SH3YL1: variants seen among roughly 807,000 people sequenced by gnomAD.
SH3YL1 encodes the protein SH3 domain-containing YSC84-like protein 1.
Under a neutral mutation model 45.8 loss-of-function variants are expected in SH3YL1, and 41 were observed. The ratio of observed to expected loss-of-function variants is 0.89; its 90% CI spans 0.70 to 1.16. The LOEUF (loss-of-function observed/expected upper bound fraction) is 1.16. SH3YL1 is among the 50% of genes most tolerant of loss of function. The pLI is 0.00. For synonymous variants in SH3YL1, 152 were observed against 151.4 expected, an observed-to-expected ratio of 1.00 and a Z score of -0.03; for missense variants, 389 against 409.6, an observed-to-expected ratio of 0.95 and a Z score of 0.43.
chr2:220,656 G>A (rs896328746), intron 9 of SH3YL1, among the ~76,000 whole-genome samples: 7 of 152,200 alleles, frequency 4.6e-5, no homozygotes, highest in African/African-American at 1.4e-4. Flanking sequence ...CGCTCACGCC[G>A]TGCTTCCCTG....
intron 4 of SH3YL1, among the ~76,000 whole-genome samples, chr2:246,670 C>G (rs954566807): frequency 6.6e-6 from 1 of 152,038 alleles, no homozygotes; most frequent in Non-Finnish European, 1.5e-5. Flanking sequence ...AATGCACTTT[C>G]CACCAGAGGG....
intron 7 of SH3YL1, chr2:230,487 T>C (rs909210946): frequency 1.8e-5 from 3 of 168,900 alleles, no homozygotes; most frequent in Non-Finnish European, 3.9e-5. Flanking sequence ...AGGCCTGACA[T>C]ACAAAGGCGT....
rs373205095 is a variant in SH3YL1 at position 233,213 on chromosome 2, C to A, written c.421G>T (p.Val141Leu). Residue 141 changes from valine (V) to leucine (L), a missense_variant, in exon 6 of 10, where the codon GTG becomes TTG. Physicochemically the swap from Val to Leu is conservative, Grantham distance 32. Transcript: ENST00000356150. ...ACGGCAGCGGAGCTTCTCAGGGCCA[C>A]GTTTCCTTCCAAGTTCCTGCAAAGC... ...GPLGRNLEGN[V>L]ALRSSAAVFT... 18 of 1,573,680 alleles carry A rather than the reference C, an allele frequency of 1.1e-5. No homozygotes were observed. The African/African-American group carries it at 2.0e-4, about 18-fold the overall frequency.
In SH3YL1 at chr2:233,189, C is replaced by G; in HGVS notation, c.445G>C (p.Val149Leu). 6.3e-7 allele frequency: 1 copy of G among 1,593,348 alleles called. No individual in the cohort carries two copies. The highest frequency in any genetic ancestry group is 8.6e-7 in the Non-Finnish European group (1 of 1,168,080). Residue 149 changes from valine (V) to leucine (L), a missense_variant, in exon 6 of 10, where the codon GTC becomes CTC. By Grantham distance (32) the Val-to-Leu change is conservative (BLOSUM62 1). Coordinates refer to ENST00000356150, the MANE Select transcript of SH3YL1 (RefSeq NM_015677.4). ...GNVALRSSAAVFTYCKSRGLF... is the reference protein window; with the variant it reads ...GNVALRSSAALFTYCKSRGLF... ...CCCCTTGACTTGCAGTACGTGAAGA[C>G]GGCAGCGGAGCTTCTCAGGGCCACG...
At chr2:231,257 C>G in intron 6 of SH3YL1, 66 bp from the exon 7 acceptor site, 1 of 1,200,500 alleles carries the variant, frequency 8.3e-7, no homozygotes, top group African/African-American at 1.5e-5. Flanking sequence ...TTAAACATAG[C>G]ATGTGCGCAC....
upstream of SH3YL1, chr2:264,173 G>A (rs1669738064): frequency 2.5e-6 from 2 of 790,176 alleles, no homozygotes; most frequent in Non-Finnish European, 3.6e-6. Flanking sequence ...CCGCGCTCAG[G>A]CCTTCGCCCT....
intron 4 of SH3YL1, chr2:243,590 C>A (rs369459239): frequency 6.6e-7 from 1 of 1,519,272 alleles, no homozygotes; most frequent in Non-Finnish European, 8.8e-7. Context: ...GACCTCGAGT[C>A]GGTAACCTGA....
intron 4 of SH3YL1, among the ~76,000 whole-genome samples, chr2:239,336 C>T (rs1331681682): frequency 6.6e-6 from 1 of 152,198 alleles, no homozygotes; most frequent in African/African-American, 2.4e-5. Context: ...GAAGGTGGTA[C>T]TCCAATCCCT....
intron 9 of SH3YL1, among the ~76,000 whole-genome samples, chr2:220,692 G>A (rs1667532620): frequency 1.3e-5 from 2 of 152,174 alleles, no homozygotes; most frequent in Non-Finnish European, 2.9e-5. Context: ...GCAAGCTAAT[G>A]CTAAAGAAAA....
Position 249,826 on chromosome 2 carries a change from G to C in SH3YL1, c.131C>G (p.Ala44Gly). The C allele has an allele frequency of 6.4e-7, 1 of 1,551,980 alleles. No homozygotes were observed. The highest frequency in any genetic ancestry group is 1.2e-5 in the South Asian group (1 of 84,060). The part of the protein sequence containing the change: ...KIIPAHVIAK[A>G]KGLAILSVIK... ...CACAGACAGAATTGCAAGGCCTTTA[G>C]CCTTCGCAATTACGTGAGCTGTTAA... is the stretch of plus-strand genomic sequence containing the variant. Residue 44 changes from alanine to glycine, a missense_variant, in exon 3 of 10, where the codon GCT becomes GGT. Coordinates refer to ENST00000356150, the MANE Select transcript of SH3YL1 (RefSeq NM_015677.4).
intron 4 of SH3YL1, among the ~76,000 whole-genome samples, chr2:245,676 C>T (rs928384492): frequency 6.6e-6 from 1 of 152,032 alleles, no homozygotes; most frequent in Admixed American, 6.6e-5. Flanking sequence ...TACAGCTCAC[C>T]ACTGTCTCGT....
At chr2:264,513 C>T, upstream of SH3YL1, 1 of 176,996 alleles carries the variant, frequency 5.6e-6, no homozygotes, top group Non-Finnish European at 1.2e-5. Context: ...CCCTCTCCTG[C>T]GGCCCCGTCC....
At chr2:262,653 A>G in intron 1 of SH3YL1, 1 of 1,304,310 alleles carries the variant, frequency 7.7e-7, no homozygotes, top group Non-Finnish European at 1.0e-6. Context: ...TGGCGTGCAC[A>G]GGGACTTGTG....
rs1558236873 is a variant in SH3YL1, at chr2:231,140, CG to C, written c.584del (p.Pro195ArgfsTer61). On this transcript the variant is annotated frameshift_variant, in exon 7 of 10. Transcript: ENST00000356150. LOFTEE classifies it high-confidence loss of function. ...RAYDILFGDT[P>X]RPAQAEDLYE... ...AAAGATCTTCGGCTTGAGCAGGCCGCGGTGTATCTCCAAATAAAATGTCATA... is the reference window on the plus strand; with the variant it reads ...AAAGATCTTCGGCTTGAGCAGGCCGCGTGTATCTCCAAATAAAATGTCATA... The C allele has an allele frequency of 6.2e-7, 1 of 1,613,798 alleles. No homozygotes were observed. Among genetic ancestry groups the C allele is most frequent in the East Asian group, 2.2e-5 (1 of 44,878 alleles).
chr2:233,298 G>C, intron 5 of SH3YL1, 69 bp from the exon 6 acceptor site: 1 of 1,380,780 alleles, frequency 7.2e-7, no homozygotes, highest in Non-Finnish European at 9.5e-7. Flanking sequence ...TATTTAAATA[G>C]CACTCCTTCT....
intron 1 of SH3YL1, chr2:262,717 C>T: frequency 7.7e-7 from 1 of 1,291,164 alleles, no homozygotes; most frequent in Non-Finnish European, 1.0e-6. Flanking sequence ...GCCTCAACTT[C>T]CTATGTTTGT....
At chr2:225,004 T>C in intron 8 of SH3YL1, 84 bp from the exon 9 acceptor site, 1 of 995,028 alleles carries the variant, frequency 1.0e-6, no homozygotes, top group East Asian at 2.4e-5. Flanking sequence ...GATCCTGCCC[T>C]TGCTGAGCAA....
intron 5 of SH3YL1, among the ~76,000 whole-genome samples, chr2:233,719 A>G (rs190328988): frequency 6.6e-6 from 1 of 152,332 alleles, no homozygotes; most frequent in African/African-American, 2.4e-5. Context: ...CAAGACTAGC[A>G]TTTCATTAAT....
At chr2:234,423 T>C (rs1340676259) in intron 4 of SH3YL1, 151 bp from the exon 5 acceptor site, 3 of 602,046 alleles carry the variant, frequency 5.0e-6, no homozygotes, top group Non-Finnish European at 8.5e-6. Context: ...TATTTTTATT[T>C]TGAGCTGATG....
Sources: gnomAD v4.1 joint callset for allele counts (sites outside exome capture counted in the v4.1 genomes callset) on GRCh38, gnomAD v4.1.1 for gene constraint, MANE v1.5 for transcripts, NCBI Gene and HGNC (gene_info 2026-07-23, HGNC 2026-07-21) for gene names.